Variants in UHRF2 observed in about 807,000 individuals in gnomAD.
UHRF2 encodes ubiquitin like with PHD and ring finger domains 2.
In UHRF2, 23 loss-of-function variants were observed where a neutral mutation model predicts 96.8. That is an observed-to-expected ratio of 0.24 (90% CI 0.17 to 0.34). The LOEUF (loss-of-function observed/expected upper bound fraction) is 0.34, where lower values mean the gene tolerates loss of function less well. UHRF2 is among the 10% of genes least tolerant of loss of function. The pLI is 1.00. For missense variants in UHRF2, 685 were observed against 981.5 expected, an observed-to-expected ratio of 0.70 and a Z score of 4.04; for synonymous variants, 385 against 332.6, an observed-to-expected ratio of 1.16 and a Z score of -1.72.
At chr9:6,424,235 T>C (rs2130734052) in intron 2 of UHRF2, among the ~76,000 whole-genome samples, 1 of 152,336 alleles carries the variant, frequency 6.6e-6, no homozygotes, top group South Asian at 2.1e-4. Flanking sequence ...GTGGCTATCT[T>C]CAAAGTTAAC....
chr9:6,453,018 C>T (rs1367487746), intron 3 of UHRF2, among the ~76,000 whole-genome samples: 3 of 152,136 alleles, frequency 2.0e-5, no homozygotes, highest in South Asian at 2.1e-4. Context: ...AATTGACTTA[C>T]TGTCTCCTTG....
chr9:6,490,720 A>G (rs1417609447), intron 9 of UHRF2, among the ~76,000 whole-genome samples: 1 of 152,232 alleles, frequency 6.6e-6, no homozygotes, highest in Non-Finnish European at 1.5e-5. Context: ...ACGTTAAAAC[A>G]TTTGTGGAGA....
Position 6,497,366 on chromosome 9 carries a change from C to T in UHRF2, c.1767+6C>T. 1.2e-6 allele frequency: 2 copies of T among 1,612,580 alleles called. No individual in the cohort carries two copies. The highest frequency in any genetic ancestry group is 1.7e-6 in the Non-Finnish European group (2 of 1,179,068). ...GATATGATGGCATTTATAAGGTGCTCTATCTGGCATGACATCTTGTTTGTC... is the reference window on the plus strand; with the variant it reads ...GATATGATGGCATTTATAAGGTGCTTTATCTGGCATGACATCTTGTTTGTC... On this transcript the variant is annotated splice_donor_region_variant and intron_variant, in intron 11 of 15. Coordinates refer to ENST00000276893, the MANE Select transcript of UHRF2 (RefSeq NM_152896.3).
chr9:6,450,482 A>G (rs975632035), intron 3 of UHRF2, among the ~76,000 whole-genome samples: 2 of 152,180 alleles, frequency 1.3e-5, no homozygotes, highest in Non-Finnish European at 2.9e-5. Flanking sequence ...AGATAAGACT[A>G]CTTGAGAGAC....
intron 3 of UHRF2, among the ~76,000 whole-genome samples, chr9:6,451,448 C>A (rs1456795749): frequency 2.1e-5 from 3 of 145,564 alleles, no homozygotes; most frequent in Non-Finnish European, 4.5e-5. Context: ...TATCTTGTTT[C>A]TTACCTAGTT....
chr9:6,460,099 T>G (rs1220483963), intron 3 of UHRF2, among the ~76,000 whole-genome samples: 1 of 152,250 alleles, frequency 6.6e-6, no homozygotes, highest in East Asian at 1.9e-4. Flanking sequence ...AAGAATAGTT[T>G]TGCTCTGGGA....
chr9:6,463,018 A>C (rs1822644018), intron 4 of UHRF2, among the ~76,000 whole-genome samples: 2 of 152,172 alleles, frequency 1.3e-5, no homozygotes, highest in Non-Finnish European at 2.9e-5. Context: ...GCCGTGGCTC[A>C]CGCCTGTAAT....
chr9:6,431,422 A>G (rs1820555511), intron 2 of UHRF2, among the ~76,000 whole-genome samples: 1 of 152,122 alleles, frequency 6.6e-6, no homozygotes, highest in Non-Finnish European at 1.5e-5. Flanking sequence ...AGCCTGGGCA[A>G]CATAGCAAAC....
At chr9:6,491,535 A>G (rs13285949) in intron 9 of UHRF2, among the ~76,000 whole-genome samples, 8,609 of 152,242 alleles carry the variant, frequency 0.057, 370 homozygotes, top group African/African-American at 0.12. Context: ...AGGAGTTTGG[A>G]GAATGTTTGT....
At chr9:6,418,482 G>T (rs924062715) in intron 1 of UHRF2, among the ~76,000 whole-genome samples, 1 of 151,798 alleles carries the variant, frequency 6.6e-6, no homozygotes, top group African/African-American at 2.4e-5. Context: ...TTGAGATTGT[G>T]CTTGTTGGGT....
At chr9:6,425,541 G>C (rs568257721) in intron 2 of UHRF2, among the ~76,000 whole-genome samples, 1 of 151,800 alleles carries the variant, frequency 6.6e-6, no homozygotes, top group Admixed American at 6.6e-5. Flanking sequence ...GATCACTACA[G>C]GTCAGGAGTT....
intron 8 of UHRF2, among the ~76,000 whole-genome samples, chr9:6,483,849 C>A (rs1824080244): frequency 6.6e-6 from 1 of 152,114 alleles, no homozygotes; most frequent in African/African-American, 2.4e-5. Flanking sequence ...ACCACCACGC[C>A]TGACTAATTT....
chr9:6,492,915 T>C (rs1407553185), intron 9 of UHRF2: 1 of 151,898 alleles, frequency 6.6e-6, no homozygotes, highest in Non-Finnish European at 1.5e-5. Flanking sequence ...AATTTCTTCT[T>C]AATGGGAGGC....
chr9:6,479,782 C>T (rs1412992477), intron 6 of UHRF2, among the ~76,000 whole-genome samples: 1 of 152,090 alleles, frequency 6.6e-6, no homozygotes, highest in African/African-American at 2.4e-5. Context: ...AACTTCATCC[C>T]AATTCTTCTT....
At chr9:6,466,331 A>C (rs1009547683) in intron 4 of UHRF2, among the ~76,000 whole-genome samples, 2 of 152,188 alleles carry the variant, frequency 1.3e-5, no homozygotes, top group Non-Finnish European at 2.9e-5. Flanking sequence ...TGAAGTCAGG[A>C]GTTCTAGACC....
chr9:6,503,596 G>C (rs1394323551), intron 14 of UHRF2, among the ~76,000 whole-genome samples: 2 of 151,970 alleles, frequency 1.3e-5, no homozygotes, highest in African/African-American at 4.8e-5. Context: ...ATAATCCTAG[G>C]AAAATAAATG....
intron 1 of UHRF2, chr9:6,414,153 C>G (rs1047329196): frequency 2.0e-5 from 3 of 151,782 alleles, no homozygotes; most frequent in African/African-American, 7.2e-5. Context: ...AACCCTAACT[C>G]TGCTTCCTGA....
chr9:6,431,799 A>G (rs1476487672), intron 2 of UHRF2, among the ~76,000 whole-genome samples: 5 of 152,236 alleles, frequency 3.3e-5, no homozygotes, highest in Non-Finnish European at 5.9e-5. Context: ...AGGCAAATTC[A>G]GTACTTCATT....
intron 3 of UHRF2, among the ~76,000 whole-genome samples, chr9:6,438,438 G>A (rs575904587): frequency 7.2e-5 from 11 of 152,164 alleles, no homozygotes; most frequent in Non-Finnish European, 1.3e-4. Flanking sequence ...AACTAAATAG[G>A]CTTTAAGTGC....
Sources: gnomAD v4.1 joint callset for allele counts (sites outside exome capture counted in the v4.1 genomes callset) on GRCh38, gnomAD v4.1.1 for gene constraint, MANE v1.5 for transcripts, NCBI Gene and HGNC (gene_info 2026-07-23, HGNC 2026-07-21) for gene names.